Variants in C6 observed in about 807,000 individuals in gnomAD.
C6 encodes complement C6.
In C6, 101 loss-of-function variants were observed where a neutral mutation model predicts 112.9. The ratio of observed to expected loss-of-function variants is 0.89; its 90% CI spans 0.76 to 1.06. C6 has a LOEUF of 1.06. C6 is among the 50% of genes least tolerant of loss of function. C6 has a pLI of 0.00. For missense variants in C6, 1,202 were observed against 1,104.6 expected (o/e 1.09, Z -1.25); for synonymous variants, 431 against 384.1 (o/e 1.12, Z -1.43).
At chr5:41,158,321 G>A (rs755774172) in intron 13 of C6, among the ~76,000 whole-genome samples, 1 of 152,146 alleles carries the variant, frequency 6.6e-6, no homozygotes, top group African/African-American at 2.4e-5. Flanking sequence ...CCAGTCTAGT[G>A]TGTTTCTCTA....
At position 41,153,839 on chromosome 5, in the gene C6, G is replaced by C; in HGVS notation, c.2261C>G (p.Pro754Arg). ...TTCACAGGTGAGAGAGTTTGAAATGGGTGGTGTCCAGGAATTCCCCTGGCA... is the reference window on the plus strand; with the variant it reads ...TTCACAGGTGAGAGAGTTTGAAATGCGTGGTGTCCAGGAATTCCCCTGGCA... ...YTCQGNSWTP[P>R]ISNSLTCEKD... Residue 754 changes from proline (P) to arginine (R), a missense_variant, in exon 15 of 18, where the codon CCC becomes CGC. Pro to Arg is a moderately radical substitution (Grantham distance 103). Transcript: ENST00000337836. The C allele has an allele frequency of 6.2e-7, 1 of 1,613,284 alleles. No individual in the cohort carries two copies. Among genetic ancestry groups the C allele is most frequent in the Non-Finnish European group, 8.5e-7 (1 of 1,179,696 alleles).
At chr5:41,146,353 G>GCTCT (rs1745825419) in intron 17 of C6, among the ~76,000 whole-genome samples, 1 of 152,134 alleles carries the variant, frequency 6.6e-6, no homozygotes, top group African/African-American at 2.4e-5. Context: ...AAGGAAAAGA[G>GCTCT]TAGCTAAGAG....
chr5:41,153,409 GCTTCCACATACATTCATTCCACTGACA>G (rs745670193), intron 15 of C6, among the ~76,000 whole-genome samples: 2 of 152,140 alleles, frequency 1.3e-5, no homozygotes, highest in Non-Finnish European at 2.9e-5. Context: ...GAAGTCTATG[GCTTCCACATACATTCATTCCACTGACA>G]CTTACATTCC....
rs551622639 is a variant in C6 at position 41,193,882 on chromosome 5, G to T, written c.587+1910C>A. Among the ~76,000 whole-genome samples the T allele has an allele frequency of 1.1e-3, 169 of 147,984 alleles. No homozygotes were observed. The Middle Eastern group carries it at 0.024, about 21-fold the overall frequency. On this transcript the variant is annotated intron_variant, in intron 5 of 17. Transcript: ENST00000337836. ...TTCTAAGGCCAGCAGATTAGAACAA[G>T]ATTACAGTAAGCAATTCTCAAAACT... is the stretch of plus-strand genomic sequence containing the variant.
intron 1 of C6, among the ~76,000 whole-genome samples, chr5:41,260,456 C>CA (rs1470265662): frequency 6.7e-6 from 1 of 149,622 alleles, no homozygotes; most frequent in East Asian, 2.0e-4. Flanking sequence ...AAACCCCCCC[C>CA]CAAAACAAAC....
chr5:41,148,317 A>G (rs1194428150), intron 17 of C6, among the ~76,000 whole-genome samples: 1 of 152,220 alleles, frequency 6.6e-6, no homozygotes, highest in Non-Finnish European at 1.5e-5. Flanking sequence ...CAGTTCCATG[A>G]CATAGTAAGT....
chr5:41,260,161 C>T (rs991888384), intron 1 of C6, among the ~76,000 whole-genome samples: 5 of 152,028 alleles, frequency 3.3e-5, no homozygotes, highest in Non-Finnish European at 7.4e-5. Context: ...TTTTGCTTTT[C>T]GTCCACTATA....
In C6 at chr5:41,142,128, C is replaced by A. The variant is rs537049045; in HGVS notation, c.*697G>T. 6.6e-6 allele frequency: 1 copy of A among 152,216 alleles called. No homozygotes were observed. The highest frequency in any genetic ancestry group is 1.5e-5 in the Non-Finnish European group (1 of 68,134). The allele number at this position is 152,216 out of a possible 1,614,324, so 9.4% of individuals were successfully genotyped here. A position where few individuals can be genotyped will look rare whatever the true frequency, so the allele number is the denominator to read the frequency against. ...CACTGGAGCTCAATCATCCTTACAGCGATGTTTATTGTTATGGAATATTTC... is the reference window on the plus strand; with the variant it reads ...CACTGGAGCTCAATCATCCTTACAGAGATGTTTATTGTTATGGAATATTTC... On this transcript the variant is annotated 3_prime_UTR_variant, in exon 18 of 18. Transcript: ENST00000337836.
At chr5:41,151,626 G>A (rs947556007) in intron 15 of C6, among the ~76,000 whole-genome samples, 1 of 152,182 alleles carries the variant, frequency 6.6e-6, no homozygotes, top group Non-Finnish European at 1.5e-5. Flanking sequence ...AATCACTGAA[G>A]CTATGCATGT....
chr5:41,157,975 G>C lies in C6; in HGVS notation c.1968+699C>G, dbSNP rs150023143. 9.7e-4 allele frequency among the ~76,000 whole-genome samples: 148 copies of C among 152,268 alleles called. 2 individuals carry two copies. The East Asian group carries it at 0.026, about 27-fold the overall frequency. ...AACTATTTGCTGGACTTAGAGAATTGAGTGTTATTGATCTTTTATCATAAG... is the reference window on the plus strand; with the variant it reads ...AACTATTTGCTGGACTTAGAGAATTCAGTGTTATTGATCTTTTATCATAAG... On this transcript the variant is annotated intron_variant, in intron 13 of 17. Transcript: ENST00000337836.
chr5:41,163,310 C>CTT (rs35341613), intron 9 of C6, among the ~76,000 whole-genome samples: 27 of 134,542 alleles, frequency 2.0e-4, no homozygotes, highest in African/African-American at 4.3e-4. Context: ...TATCAATGAA[C>CTT]TTTTTTTTTT....
At chr5:41,213,844 T>A (rs983545851), upstream of C6, among the ~76,000 whole-genome samples, 1 of 152,142 alleles carries the variant, frequency 6.6e-6, no homozygotes, top group Non-Finnish European at 1.5e-5. Flanking sequence ...TTGGAGACAA[T>A]GTGATTGTGT....
At chr5:41,147,311 C>T (rs925865533) in intron 17 of C6, among the ~76,000 whole-genome samples, 4 of 152,138 alleles carry the variant, frequency 2.6e-5, no homozygotes, top group Non-Finnish European at 4.4e-5. Flanking sequence ...AATTAAGCAA[C>T]GTGCATATCA....
At chr5:41,219,451 A>T (rs1245293424) in intron 1 of C6, among the ~76,000 whole-genome samples, 1 of 152,070 alleles carries the variant, frequency 6.6e-6, no homozygotes, top group Non-Finnish European at 1.5e-5. Flanking sequence ...GTAGCTAATA[A>T]ATGAGGCAAT....
intron 1 of C6, among the ~76,000 whole-genome samples, chr5:41,234,331 C>T (rs1190856590): frequency 6.7e-6 from 1 of 149,956 alleles, no homozygotes; most frequent in Non-Finnish European, 1.5e-5. Flanking sequence ...TGTTATTCTA[C>T]CCTTTCGTTT....
intron 14 of C6, among the ~76,000 whole-genome samples, chr5:41,154,675 T>C (rs1438070290): frequency 6.6e-6 from 1 of 152,222 alleles, no homozygotes; most frequent in East Asian, 1.9e-4. Flanking sequence ...GCAAAGCAGA[T>C]GTCTGTGGTT....
chr5:41,254,356 A>G (rs1363648665), intron 1 of C6, among the ~76,000 whole-genome samples: 1 of 152,194 alleles, frequency 6.6e-6, no homozygotes, highest in Non-Finnish European at 1.5e-5. Flanking sequence ...CAGTGAGCCG[A>G]GACTGCACCA....
At chr5:41,200,823 T>C (rs1327051279) in intron 3 of C6, among the ~76,000 whole-genome samples, 1 of 151,588 alleles carries the variant, frequency 6.6e-6, no homozygotes, top group East Asian at 1.9e-4. Flanking sequence ...TTTTGATTCA[T>C]TTCCCTCATT....
At chr5:41,203,329 C>A in intron 1 of C6, 79 bp from the exon 2 acceptor site, 1 of 1,447,856 alleles carries the variant, frequency 6.9e-7, no homozygotes, top group South Asian at 1.2e-5. Context: ...GTCAGAGATT[C>A]AAATGTGATT....
Sources: gnomAD v4.1 joint callset for allele counts (sites outside exome capture counted in the v4.1 genomes callset) on GRCh38, gnomAD v4.1.1 for gene constraint, MANE v1.5 for transcripts, NCBI Gene and HGNC (gene_info 2026-07-23, HGNC 2026-07-21) for gene names.